The following WWOX variants were observed in gnomAD, a reference collection of about 807,000 sequenced individuals.
WWOX encodes the protein WW domain containing oxidoreductase.
A neutral mutation model predicts 46.2 loss-of-function variants in WWOX; 69 were observed. The observed-to-expected ratio is 1.49, with a 90% CI of 1.23 to 1.82. The LOEUF (loss-of-function observed/expected upper bound fraction) is 1.82. Ranked by LOEUF, WWOX falls within the 40% of genes most tolerant of loss-of-function variation. The pLI is 0.00. For synonymous variants in WWOX, 359 were observed against 202.6 expected (o/e 1.77, Z -6.56); for missense variants, 919 against 542.6 (o/e 1.69, Z -6.89).
chr16:78,874,791 C>T (rs2044202643), intron 8 of WWOX, among the ~76,000 whole-genome samples: 2 of 147,000 alleles, frequency 1.4e-5, no homozygotes, highest in South Asian at 2.2e-4. Flanking sequence ...CCTACACAGG[C>T]CTTCTACATA....
chr16:79,157,539 G>C (rs1354763192), intron 8 of WWOX, among the ~76,000 whole-genome samples: 1 of 152,176 alleles, frequency 6.6e-6, no homozygotes, highest in African/African-American at 2.4e-5. Context: ...TTGGCATGTA[G>C]TGGAACCTCA....
In WWOX at chr16:78,335,635, G is replaced by C. The variant is rs75145333; in HGVS notation, c.517-51225G>C. 9.2e-5 allele frequency among the ~76,000 whole-genome samples: 14 copies of C among 152,224 alleles called. No homozygotes were observed. In the East Asian group the frequency reaches 2.7e-3, roughly 29 times the overall value. ...GGAATAGAAATGATTGTATTATAAAGGTACATGCACATGTATGTTGACTGC... is the reference window on the plus strand; with the variant it reads ...GGAATAGAAATGATTGTATTATAAACGTACATGCACATGTATGTTGACTGC... On this transcript the variant is annotated intron_variant, in intron 5 of 8. Coordinates refer to ENST00000566780, the MANE Select transcript of WWOX (RefSeq NM_016373.4).
chr16:79,036,196 G>A (rs955930091), intron 8 of WWOX, among the ~76,000 whole-genome samples: 4 of 152,082 alleles, frequency 2.6e-5, no homozygotes, highest in East Asian at 1.9e-4. Context: ...TTCAAGTAGC[G>A]TCTCAAACAG....
chr16:78,616,423 C>G (rs1011379855), intron 8 of WWOX, among the ~76,000 whole-genome samples: 1 of 151,832 alleles, frequency 6.6e-6, no homozygotes, highest in Non-Finnish European at 1.5e-5. Flanking sequence ...GTCCATCTTG[C>G]TATTTTCTCA....
intron 8 of WWOX, among the ~76,000 whole-genome samples, chr16:78,692,027 G>A (rs933780322): frequency 1.3e-5 from 2 of 152,206 alleles, no homozygotes; most frequent in Admixed American, 1.3e-4. Flanking sequence ...CATGTAAGAA[G>A]TGCCTTTTGC....
chr16:78,854,490 C>T (rs6564609), intron 8 of WWOX, among the ~76,000 whole-genome samples: 67,437 of 152,096 alleles, frequency 0.44, 16,101 homozygotes, highest in Middle Eastern at 0.62. Context: ...TATTTTACTT[C>T]TGCCTATGCA....
chr16:78,564,105 A>C (rs559788793), intron 8 of WWOX, among the ~76,000 whole-genome samples: 4 of 152,354 alleles, frequency 2.6e-5, no homozygotes, highest in African/African-American at 9.6e-5. Context: ...CTACAGACGC[A>C]ACTGCCTTGC....
intron 5 of WWOX, among the ~76,000 whole-genome samples, chr16:78,170,884 A>G (rs1262653265): frequency 6.6e-6 from 1 of 152,240 alleles, no homozygotes; most frequent in Non-Finnish European, 1.5e-5. Flanking sequence ...TGGAATGTGC[A>G]TGTTTTAGGG....
At chr16:79,082,378 G>A (rs963709414) in intron 8 of WWOX, among the ~76,000 whole-genome samples, 2 of 152,098 alleles carry the variant, frequency 1.3e-5, no homozygotes, top group African/African-American at 2.4e-5. Flanking sequence ...AATACCAACT[G>A]CATGGATTTG....
intron 8 of WWOX, among the ~76,000 whole-genome samples, chr16:78,879,047 TGGAAGGAAGGGAGGAA>T (rs1038061429): frequency 6.6e-6 from 1 of 151,900 alleles, no homozygotes; most frequent in African/African-American, 2.4e-5. Context: ...ACCCTGGATC[TGGAAGGAAGGGAGGAA>T]AGGAGGAAGG....
At chr16:79,095,614 A>G (rs1208242896) in intron 8 of WWOX, among the ~76,000 whole-genome samples, 1 of 152,136 alleles carries the variant, frequency 6.6e-6, no homozygotes, top group Non-Finnish European at 1.5e-5. Flanking sequence ...CATCTAGCGG[A>G]AGTCGATCTT....
At chr16:78,517,692 A>T (rs2043265949) in intron 8 of WWOX, among the ~76,000 whole-genome samples, 1 of 152,116 alleles carries the variant, frequency 6.6e-6, no homozygotes, top group Non-Finnish European at 1.5e-5. Context: ...GAGGATGGAA[A>T]GGGCATGCGT....
At chr16:78,705,166 A>C (rs2048305173) in intron 8 of WWOX, among the ~76,000 whole-genome samples, 1 of 152,108 alleles carries the variant, frequency 6.6e-6, no homozygotes, top group African/African-American at 2.4e-5. Flanking sequence ...AAAGCCAACC[A>C]CTTATATTTT....
chr16:78,768,279 T>TAAA (rs56280651), intron 8 of WWOX, among the ~76,000 whole-genome samples: 18 of 91,960 alleles, frequency 2.0e-4, no homozygotes, highest in African/African-American at 5.2e-4. Context: ...ATAGATGAGT[T>TAAA]AAAAAAAAAA....
chr16:78,906,618 C>G (rs983036639), intron 8 of WWOX, among the ~76,000 whole-genome samples: 2 of 152,152 alleles, frequency 1.3e-5, no homozygotes, highest in African/African-American at 2.4e-5. Flanking sequence ...GAGAGCAAAA[C>G]CATGCCAGTC....
chr16:79,158,848 C>T (rs1201018613), intron 8 of WWOX, among the ~76,000 whole-genome samples: 1 of 152,220 alleles, frequency 6.6e-6, no homozygotes. Context: ...TATTTTCCCA[C>T]TAGAACTCAA....
intron 8 of WWOX, among the ~76,000 whole-genome samples, chr16:78,465,686 A>G (rs1034328278): frequency 3.9e-5 from 6 of 152,208 alleles, no homozygotes; most frequent in Admixed American, 6.5e-5. Context: ...GTTCCTTGGT[A>G]TGTAAATTTA....
intron 5 of WWOX, among the ~76,000 whole-genome samples, chr16:78,372,855 C>T (rs988719530): frequency 9.2e-5 from 14 of 152,116 alleles, no homozygotes; most frequent in East Asian, 1.9e-4. Context: ...TATCATCATG[C>T]CTCTCTTTCA....
intron 8 of WWOX, among the ~76,000 whole-genome samples, chr16:79,046,911 C>G: frequency 6.6e-6 from 1 of 152,308 alleles, no homozygotes; most frequent in South Asian, 2.1e-4. Flanking sequence ...ATTGGTTACT[C>G]AAATTCTTAA....
Sources: gnomAD v4.1 joint callset for allele counts (sites outside exome capture counted in the v4.1 genomes callset) on GRCh38, gnomAD v4.1.1 for gene constraint, MANE v1.5 for transcripts, NCBI Gene and HGNC (gene_info 2026-07-23, HGNC 2026-07-21) for gene names.